The following DCLK2 variants were observed in gnomAD, a reference collection of about 807,000 sequenced individuals.
DCLK2 encodes doublecortin like kinase 2, also known as serine/threonine-protein kinase DCLK2.
In DCLK2, 31 loss-of-function variants were observed where a neutral mutation model predicts 78.4. The ratio of observed to expected loss-of-function variants is 0.40; its 90% CI spans 0.30 to 0.53. The LOEUF (loss-of-function observed/expected upper bound fraction) is 0.53. DCLK2 is among the 20% of genes least tolerant of loss of function. The pLI, the probability that DCLK2 is intolerant of heterozygous loss-of-function variation, is 0.61. For missense variants in DCLK2, 872 were observed against 973.7 expected (o/e 0.90, Z 1.39); for synonymous variants, 407 against 374.9 (o/e 1.09, Z -0.99).
intron 2 of DCLK2, among the ~76,000 whole-genome samples, chr4:150,116,592 A>G (rs2150175151): frequency 6.6e-6 from 1 of 152,326 alleles, no homozygotes; most frequent in African/African-American, 2.4e-5. Flanking sequence ...CAAGGGATCC[A>G]GTGATGTGAC....
chr4:150,116,124 A>T lies in DCLK2; in HGVS notation c.756+13312A>T, dbSNP rs563968226. ...ATGTTGCTGTTCTATGTAGAGAGGA[A>T]CTGTGACTTTATACCTCGTGCAAGC... On this transcript the variant is annotated intron_variant, in intron 2 of 15. Transcript: ENST00000296550. Among the ~76,000 whole-genome samples, 13 of 152,302 alleles carry T rather than the reference A, an allele frequency of 8.5e-5. No individual in the cohort carries two copies. In the South Asian group the frequency reaches 2.7e-3, roughly 32 times the overall value.
At chr4:150,229,488 G>A (rs1741878709) in intron 8 of DCLK2, among the ~76,000 whole-genome samples, 1 of 152,166 alleles carries the variant, frequency 6.6e-6, no homozygotes, top group Non-Finnish European at 1.5e-5. Context: ...CCGAAAGGAG[G>A]AATCGGTGCA....
chr4:150,123,107 A>G (rs2150184963), intron 2 of DCLK2, among the ~76,000 whole-genome samples: 1 of 152,360 alleles, frequency 6.6e-6, no homozygotes, highest in African/African-American at 2.4e-5. Context: ...TCATGTGATA[A>G]CTAAAGTAGC....
intron 9 of DCLK2, 48 bp from the exon 10 acceptor site, chr4:150,232,634 A>G: frequency 6.3e-7 from 1 of 1,592,232 alleles, no homozygotes. Flanking sequence ...TTACCTTCAT[A>G]GGATTGCACT....
chr4:150,197,168 A>G (rs76683259), intron 3 of DCLK2, among the ~76,000 whole-genome samples: 44 of 147,440 alleles, frequency 3.0e-4, no homozygotes, highest in African/African-American at 7.0e-4. Context: ...AAAAAAAAAA[A>G]AGAGAGAGAG....
Position 150,221,667 on chromosome 4 carries a change from CT to C in DCLK2, c.1133-5del. The C allele has an allele frequency of 1.3e-6, 2 of 1,569,588 alleles. No homozygotes were observed. The highest frequency in any genetic ancestry group is 1.4e-5 in the African/African-American group (1 of 72,852). ...GTTTTCTTTAGAATTTGCATTTATCCTTTTTGCAGGTGTGAATGGAAACAGA... is the reference window on the plus strand; with the variant it reads ...GTTTTCTTTAGAATTTGCATTTATCCTTTTGCAGGTGTGAATGGAAACAGA... On this transcript the variant is annotated splice_polypyrimidine_tract_variant and intron_variant, in intron 6 of 15. Transcript: ENST00000296550.
chr4:150,173,605 T>C (rs766488440), intron 2 of DCLK2, among the ~76,000 whole-genome samples: 1 of 152,158 alleles, frequency 6.6e-6, no homozygotes, highest in Non-Finnish European at 1.5e-5. Flanking sequence ...GAAGGAAAAG[T>C]CTCCACTTTT....
At chr4:150,082,890 G>A (rs62339893) in intron 1 of DCLK2, among the ~76,000 whole-genome samples, 20,857 of 152,144 alleles carry the variant, frequency 0.14, 1,827 homozygotes, top group Non-Finnish European at 0.19. Flanking sequence ...TATTTATAAA[G>A]TTTTGATGAC....
chr4:150,224,306 G>A (rs557797703), intron 7 of DCLK2, among the ~76,000 whole-genome samples, 195 bp from the exon 8 acceptor site: 6 of 151,698 alleles, frequency 4.0e-5, no homozygotes, highest in East Asian at 1.9e-4. Context: ...GGTGGCTCAC[G>A]CCTGTAATCC....
At chr4:150,222,059 A>T (rs1310541545) in intron 7 of DCLK2, among the ~76,000 whole-genome samples, 1 of 151,976 alleles carries the variant, frequency 6.6e-6, no homozygotes, top group Admixed American at 6.6e-5. Flanking sequence ...TGGCACCATC[A>T]TAGTTCACTG....
intron 4 of DCLK2, among the ~76,000 whole-genome samples, chr4:150,202,129 A>G (rs1314268840): frequency 6.6e-6 from 1 of 152,208 alleles, no homozygotes; most frequent in East Asian, 1.9e-4. Flanking sequence ...GGACAAGTTT[A>G]TAATGACATA....
At chr4:150,240,588 TA>T (rs1352723965) in intron 12 of DCLK2, 112 bp downstream of exon 12, 1 of 312,792 alleles carries the variant, frequency 3.2e-6, no homozygotes, top group Non-Finnish European at 5.2e-6. Flanking sequence ...AAATGCCAGT[TA>T]AAAATTACAT....
chr4:150,086,631 C>T (rs1455761562), intron 1 of DCLK2, among the ~76,000 whole-genome samples: 3 of 152,008 alleles, frequency 2.0e-5, no homozygotes, highest in Admixed American at 6.6e-5. Context: ...CTCAGCCTAC[C>T]GAGTAGCTGG....
Position 150,078,958 on chromosome 4 carries a change from C to T in DCLK2, c.-70C>T. On this transcript the variant is annotated 5_prime_UTR_variant, in exon 1 of 16. Coordinates refer to ENST00000296550, the MANE Select transcript of DCLK2 (RefSeq NM_001040260.4). ...GTTAAGGGCCCTCGCAGTCAGACGT[C>T]CCTGCACCGGCGCTCGCACCCTTAG... 6.8e-7 allele frequency: 1 copy of T among 1,460,056 alleles called. No homozygotes were observed. Among genetic ancestry groups the T allele is most frequent in the Non-Finnish European group, 9.0e-7 (1 of 1,105,092 alleles). 90.4% of individuals were successfully genotyped at this position (1,460,056 alleles called of 1,614,324 possible).
At position 150,247,644 on chromosome 4, in the gene DCLK2, C is replaced by G; in HGVS notation, c.1820C>G (p.Ala607Gly). The stretch of plus-strand genomic sequence containing the variant: ...GAAGATCTCTTCGACCAGATCTTGG[C>G]TGGGAAGCTGGAGTTTCCGGCCCCC... ...LQEDLFDQIL[A>G]GKLEFPAPYW... The change falls in exon 13 of 16, where the codon GCT (alanine) becomes GGT (glycine). Residue 607 changes from alanine (A) to glycine (G), a missense_variant. Ala to Gly is a moderately conservative substitution (Grantham distance 60). Coordinates refer to ENST00000296550, the MANE Select transcript of DCLK2 (RefSeq NM_001040260.4). 2.5e-6 allele frequency: 4 copies of G among 1,614,090 alleles called. No homozygotes were observed. The highest frequency in any genetic ancestry group is 3.4e-6 in the Non-Finnish European group (4 of 1,180,018).
At chr4:150,107,446 G>C (rs1053623008) in intron 2 of DCLK2, among the ~76,000 whole-genome samples, 12 of 145,416 alleles carry the variant, frequency 8.3e-5, no homozygotes, top group African/African-American at 2.6e-4. Flanking sequence ...TGGCGATCTC[G>C]GCTTACTGCA....
intron 7 of DCLK2, among the ~76,000 whole-genome samples, chr4:150,222,604 G>T (rs1741268598): frequency 6.6e-6 from 1 of 152,068 alleles, no homozygotes; most frequent in Admixed American, 6.6e-5. Flanking sequence ...CCAGCACTTT[G>T]GGAGGCTGAG....
At chr4:150,231,308 C>A (rs1051722811) in intron 8 of DCLK2, among the ~76,000 whole-genome samples, 4 of 152,234 alleles carry the variant, frequency 2.6e-5, no homozygotes, top group Non-Finnish European at 5.9e-5. Flanking sequence ...CAAATTTGCA[C>A]TGTCACTCGC....
intron 8 of DCLK2, among the ~76,000 whole-genome samples, chr4:150,226,695 G>A (rs1386303297): frequency 6.6e-6 from 1 of 152,118 alleles, no homozygotes; most frequent in Non-Finnish European, 1.5e-5. Flanking sequence ...TTTCTAGTCT[G>A]TGAATGTCAT....
Sources: allele counts gnomAD v4.1 joint callset (sites outside exome capture counted in the v4.1 genomes callset), GRCh38; gene constraint gnomAD v4.1.1; transcripts MANE v1.5; gene names NCBI Gene and HGNC (gene_info 2026-07-23, HGNC 2026-07-21).